The following ESRRG variants were observed in gnomAD, a reference collection of about 807,000 sequenced individuals.
The protein encoded by ESRRG is estrogen related receptor gamma.
Under a neutral mutation model 44.0 loss-of-function variants are expected in ESRRG, and 13 were observed. The observed-to-expected ratio is 0.30, with a 90% CI of 0.19 to 0.47. ESRRG has a LOEUF of 0.47. Among genes scored for constraint, ESRRG ranks in the 20% least tolerant of loss-of-function variants. The pLI is 1.00. For synonymous variants in ESRRG, 215 were observed against 214.6 expected, an observed-to-expected ratio of 1.00 and a Z score of -0.02; for missense variants, 395 against 580.6, an observed-to-expected ratio of 0.68 and a Z score of 3.29.
chr1:216,781,707 T>C (rs991605538), intron 2 of ESRRG, among the ~76,000 whole-genome samples: 1 of 152,002 alleles, frequency 6.6e-6, no homozygotes, highest in Admixed American at 6.6e-5. Context: ...TCTGTCTCCT[T>C]TCGTGGTTAC....
In ESRRG at chr1:216,746,230, C is replaced by T. The variant is rs181343730; in HGVS notation, c.-13-68739G>A. On this transcript the variant is annotated intron_variant, in intron 2 of 7. Coordinates refer to the ESRRG transcript ENST00000359162. ...CCAAGGAAACCTGGCTAGTAAGTGA[C>T]AGAACCAGAATATGACCCCAGGACT... Among the ~76,000 whole-genome samples the T allele has an allele frequency of 2.8e-3, 426 of 152,266 alleles. 2 individuals carry two copies. Among genetic ancestry groups the T allele is most frequent in the Non-Finnish European group, 4.9e-3 (336 of 68,016 alleles).
At chr1:216,801,258 G>C (rs895868227) in intron 2 of ESRRG, among the ~76,000 whole-genome samples, 1 of 152,092 alleles carries the variant, frequency 6.6e-6, no homozygotes, top group Non-Finnish European at 1.5e-5. Flanking sequence ...TTTTTGAGAT[G>C]GGATCTTGCT....
At chr1:216,655,349 G>C (rs2070202409) in intron 2 of ESRRG, among the ~76,000 whole-genome samples, 1 of 152,090 alleles carries the variant, frequency 6.6e-6, no homozygotes, top group Non-Finnish European at 1.5e-5. Flanking sequence ...TCATGGTTCA[G>C]GATGCAGTAC....
At chr1:216,774,571 T>C (rs1417400627) in intron 2 of ESRRG, among the ~76,000 whole-genome samples, 1 of 152,092 alleles carries the variant, frequency 6.6e-6, no homozygotes, top group African/African-American at 2.4e-5. Context: ...CACTGCGTAC[T>C]TTCCTAAAGG....
At chr1:216,715,037 T>C in intron 1 of ESRRG, 1 of 978,100 alleles carries the variant, frequency 1.0e-6, no homozygotes, top group Non-Finnish European at 1.2e-6. Context: ...GCTGAATGAC[T>C]ACGAGAGAAC....
intron 2 of ESRRG, among the ~76,000 whole-genome samples, chr1:216,939,365 A>AAAAAAAAAAAAAAAAAAAAAAAAC (rs1560189110): frequency 7.2e-6 from 1 of 139,698 alleles, no homozygotes; most frequent in African/African-American, 3.0e-5. Context: ...AAAAAAAAAA[A>AAAAAAAAAAAAAAAAAAAAAAAAC]AAAAACACTT....
intron 1 of ESRRG, among the ~76,000 whole-genome samples, chr1:217,114,199 A>C (rs1031741433): frequency 1.6e-4 from 24 of 151,864 alleles, no homozygotes; most frequent in Non-Finnish European, 2.8e-4. Context: ...AACCAACACA[A>C]AAAAAAATTC....
intron 2 of ESRRG, among the ~76,000 whole-genome samples, chr1:216,662,380 A>G (rs1351225380): frequency 6.6e-6 from 1 of 152,138 alleles, no homozygotes; most frequent in Admixed American, 6.6e-5. Context: ...AAGAAGGTAA[A>G]ACATTCAAAA....
intron 1 of ESRRG, among the ~76,000 whole-genome samples, chr1:216,992,192 A>C (rs147913597): frequency 6.6e-6 from 1 of 151,620 alleles, no homozygotes; most frequent in African/African-American, 2.4e-5. Flanking sequence ...CCAAGCTGTC[A>C]GTCTTTGTGA....
At chr1:217,014,240 G>T (rs973695909) in intron 1 of ESRRG, among the ~76,000 whole-genome samples, 1 of 152,082 alleles carries the variant, frequency 6.6e-6, no homozygotes, top group Non-Finnish European at 1.5e-5. Context: ...GATGAAGTGG[G>T]TGTTGACTGA....
chr1:216,762,022 C>G (rs1012085034), intron 2 of ESRRG, among the ~76,000 whole-genome samples: 8 of 152,084 alleles, frequency 5.3e-5, no homozygotes, highest in African/African-American at 1.9e-4. Flanking sequence ...AGACCCATTG[C>G]TTTATTAATT....
At chr1:217,117,816 C>T (rs545411433) in intron 1 of ESRRG, among the ~76,000 whole-genome samples, 4 of 151,910 alleles carry the variant, frequency 2.6e-5, no homozygotes, top group Non-Finnish European at 4.4e-5. Context: ...GAATATTTTT[C>T]GATACTGTCA....
chr1:216,829,913 C>T (rs1227476797), intron 2 of ESRRG, among the ~76,000 whole-genome samples: 3 of 152,152 alleles, frequency 2.0e-5, no homozygotes, highest in Admixed American at 6.6e-5. Flanking sequence ...GAGGGGGATT[C>T]ATGGAACAAA....
chr1:217,117,677 TACTTG>T (rs2092749717), intron 1 of ESRRG, among the ~76,000 whole-genome samples: 1 of 152,156 alleles, frequency 6.6e-6, no homozygotes, highest in African/African-American at 2.4e-5. Context: ...ACTCAACAAA[TACTTG>T]ATATTATTAT....
chr1:216,891,293 A>C (rs2149401355), intron 2 of ESRRG, among the ~76,000 whole-genome samples: 1 of 152,336 alleles, frequency 6.6e-6, no homozygotes, highest in South Asian at 2.1e-4. Context: ...CAAGTAATGG[A>C]GTTTTAGTAA....
intron 1 of ESRRG, among the ~76,000 whole-genome samples, chr1:216,709,802 AAC>A (rs991347679): frequency 1.4e-5 from 2 of 148,042 alleles, no homozygotes; most frequent in African/African-American, 5.0e-5. Context: ...CACATAATTA[AAC>A]ACACAAAAAA....
At chr1:216,533,550 A>T (rs540495798) in intron 5 of ESRRG, among the ~76,000 whole-genome samples, 71 of 152,104 alleles carry the variant, frequency 4.7e-4, no homozygotes, top group Admixed American at 7.2e-4. Flanking sequence ...GCAGAATAGA[A>T]TTTTTCAAAG....
chr1:216,759,848 G>A (rs1287064632), intron 2 of ESRRG, among the ~76,000 whole-genome samples: 2 of 152,034 alleles, frequency 1.3e-5, no homozygotes, highest in African/African-American at 2.4e-5. Context: ...TCCTTAGAAG[G>A]GATGAGGGGA....
At chr1:216,772,400 A>G (rs1015602459) in intron 2 of ESRRG, among the ~76,000 whole-genome samples, 2 of 152,060 alleles carry the variant, frequency 1.3e-5, no homozygotes, top group African/African-American at 4.8e-5. Flanking sequence ...GCACATGACA[A>G]GTTTGGGAAG....
Sources: allele counts gnomAD v4.1 joint callset (sites outside exome capture counted in the v4.1 genomes callset), GRCh38; gene constraint gnomAD v4.1.1; transcripts MANE v1.5; gene names NCBI Gene and HGNC (gene_info 2026-07-23, HGNC 2026-07-21).